Variants in IGF1R observed in about 807,000 individuals in gnomAD.
IGF1R encodes the protein insulin-like growth factor 1 receptor.
IGF1R carries 44 observed loss-of-function variants against 144.6 expected under a neutral mutation model. That is an observed-to-expected ratio of 0.30 (90% CI 0.24 to 0.39). The LOEUF is 0.39. Ranked by LOEUF, IGF1R falls within the 10% of genes least tolerant of loss-of-function variation. The pLI, the probability that IGF1R is intolerant of heterozygous loss-of-function variation, is 1.00. For missense variants in IGF1R, 1,355 were observed against 1,833.7 expected (o/e 0.74, Z 4.77); for synonymous variants, 795 against 722.8 (o/e 1.10, Z -1.60).
chr15:98,774,870 T>G (rs45521938), intron 2 of IGF1R, among the ~76,000 whole-genome samples: 2 of 152,124 alleles, frequency 1.3e-5, no homozygotes, highest in Admixed American at 6.5e-5. Context: ...TTTCCCACAA[T>G]TAAATTTAAA....
At chr15:98,717,570 C>G (rs1472646131) in intron 2 of IGF1R, among the ~76,000 whole-genome samples, 1 of 152,136 alleles carries the variant, frequency 6.6e-6, no homozygotes, top group Non-Finnish European at 1.5e-5. Flanking sequence ...TAAACTGTAT[C>G]TTTACAGAAC....
At chr15:98,710,552 G>A (rs2053968696) in intron 2 of IGF1R, among the ~76,000 whole-genome samples, 1 of 151,898 alleles carries the variant, frequency 6.6e-6, no homozygotes, top group Admixed American at 6.6e-5. Flanking sequence ...CAAAAACTCT[G>A]TACACCATTT....
At chr15:98,895,167 A>G (rs902596683) in intron 3 of IGF1R, among the ~76,000 whole-genome samples, 2 of 151,312 alleles carry the variant, frequency 1.3e-5, no homozygotes, top group African/African-American at 4.9e-5. Flanking sequence ...ACAGTTCTGT[A>G]TCTTGATTGT....
chr15:98,947,045 T>C (rs1297323341), intron 19 of IGF1R, among the ~76,000 whole-genome samples: 2 of 152,254 alleles, frequency 1.3e-5, no homozygotes, highest in Non-Finnish European at 2.9e-5. Context: ...GCTGCCTGTA[T>C]GGCTGGGCTG....
chr15:98,728,605 C>T (rs2054421770), intron 2 of IGF1R, among the ~76,000 whole-genome samples: 1 of 152,250 alleles, frequency 6.6e-6, no homozygotes, highest in South Asian at 2.1e-4. Context: ...AGCAGGTGAG[C>T]ATGTTCTGAG....
At position 98,867,720 on chromosome 15, in the gene IGF1R, A is replaced by T. The variant is rs2012531881; in HGVS notation, c.641-23605A>T. On this transcript the variant is annotated intron_variant, in intron 2 of 20. Transcript: ENST00000650285. The stretch of plus-strand genomic sequence containing the variant: ...CCAAGTGTTAAATGAACAAATATTT[A>T]ATAAGAACTTAAAAGCTTTTTGACT... Among the ~76,000 whole-genome samples the T allele has an allele frequency of 6.6e-5, 10 of 152,338 alleles. No homozygotes were observed. In the South Asian group the frequency reaches 2.1e-3, roughly 32 times the overall value.
intron 18 of IGF1R, among the ~76,000 whole-genome samples, chr15:98,939,603 C>G (rs1444093614): frequency 2.6e-5 from 4 of 152,222 alleles, no homozygotes; most frequent in Non-Finnish European, 5.9e-5. Flanking sequence ...GCTGGCTCTC[C>G]AGACGTTTGA....
chr15:98,679,274 A>G (rs7168266), intron 1 of IGF1R, among the ~76,000 whole-genome samples: 19,131 of 152,194 alleles, frequency 0.13, 2,384 homozygotes, highest in African/African-American at 0.32. Flanking sequence ...ATTATAGCTC[A>G]GTTGTATGTA....
Position 98,886,713 on chromosome 15 carries a change from C to T in IGF1R, c.641-4612C>T, listed in dbSNP as rs182171584. Among the ~76,000 whole-genome samples the T allele has an allele frequency of 8.5e-5, 13 of 152,264 alleles. No homozygotes were observed. In the East Asian group the frequency reaches 1.9e-3, roughly 23 times the overall value. ...AACAGCCATCCATCTGCTGGCGAGA[C>T]ACACTGCCCGGGGCTTTTCAAGAAA... On this transcript the variant is annotated intron_variant, in intron 2 of 20. Transcript: ENST00000650285.
At chr15:98,787,317 C>T (rs1488565658) in intron 2 of IGF1R, among the ~76,000 whole-genome samples, 1 of 152,156 alleles carries the variant, frequency 6.6e-6, no homozygotes, top group Non-Finnish European at 1.5e-5. Context: ...ATAGAAAGTG[C>T]CCCCATAGCA....
chr15:98,778,425 A>G (rs1218614915), intron 2 of IGF1R, among the ~76,000 whole-genome samples: 1 of 152,132 alleles, frequency 6.6e-6, no homozygotes, highest in Non-Finnish European at 1.5e-5. Flanking sequence ...CATTTTGCCT[A>G]TCCTTCCACT....
chr15:98,729,577 T>TTTA (rs1555436832), intron 2 of IGF1R, among the ~76,000 whole-genome samples: 1 of 147,620 alleles, frequency 6.8e-6, no homozygotes, highest in Non-Finnish European at 1.5e-5. Context: ...TTTTTTTTTT[T>TTTA]AAGTGAACCT....
chr15:98,732,791 G>A (rs1178185272), intron 2 of IGF1R, among the ~76,000 whole-genome samples: 4 of 152,172 alleles, frequency 2.6e-5, no homozygotes, highest in African/African-American at 4.8e-5. Flanking sequence ...CTTGTGGCAC[G>A]AGCAAGGGGA....
chr15:98,859,371 A>G lies in IGF1R; in HGVS notation c.641-31954A>G, dbSNP rs115910326. ...CGCAGGTGGTAAACACAGGATTTGA[A>G]CTAAGACATACTTGATTTTAAAGTG... On this transcript the variant is annotated intron_variant, in intron 2 of 20. Transcript: ENST00000650285. Among the ~76,000 whole-genome samples, 672 of 152,330 alleles carry G rather than the reference A, an allele frequency of 4.4e-3. 6 individuals carry two copies. The highest frequency in any genetic ancestry group is 0.013 in the African/African-American group (556 of 41,576).
At chr15:98,813,170 G>A (rs556923460) in intron 2 of IGF1R, among the ~76,000 whole-genome samples, 61 of 152,212 alleles carry the variant, frequency 4.0e-4, no homozygotes, top group Non-Finnish European at 8.2e-4. Flanking sequence ...TTGGGGCCTT[G>A]CTGACCCTGA....
chr15:98,746,975 T>C (rs893709956), intron 2 of IGF1R, among the ~76,000 whole-genome samples: 1 of 152,252 alleles, frequency 6.6e-6, no homozygotes, highest in African/African-American at 2.4e-5. Context: ...CTATGCTCTC[T>C]TGATGGATGA....
chr15:98,884,663 G>A (rs2013547421), intron 2 of IGF1R, among the ~76,000 whole-genome samples: 1 of 126,536 alleles, frequency 7.9e-6, no homozygotes, highest in African/African-American at 2.9e-5. Context: ...CCAGCCTGGT[G>A]ACAGAGTGAC....
intron 2 of IGF1R, among the ~76,000 whole-genome samples, chr15:98,803,961 G>C (rs2056417489): frequency 6.6e-6 from 1 of 152,182 alleles, no homozygotes; most frequent in Non-Finnish European, 1.5e-5. Flanking sequence ...ACAGCTGGCA[G>C]CACGGGTTTG....
chr15:98,843,541 T>G (rs527649972), intron 2 of IGF1R, among the ~76,000 whole-genome samples: 104 of 152,248 alleles, frequency 6.8e-4, no homozygotes, highest in African/African-American at 2.4e-3. Flanking sequence ...TTTAAAATAT[T>G]AAAAAATTGA....
Sources: gnomAD v4.1 joint callset for allele counts (sites outside exome capture counted in the v4.1 genomes callset) on GRCh38, gnomAD v4.1.1 for gene constraint, MANE v1.5 for transcripts, NCBI Gene and HGNC (gene_info 2026-07-23, HGNC 2026-07-21) for gene names.